The following PIK3CB variants were observed in gnomAD, a reference collection of about 807,000 sequenced individuals.
PIK3CB encodes the protein phosphatidylinositol-4,5-bisphosphate 3-kinase catalytic subunit beta.
In PIK3CB, 39 loss-of-function variants were observed where a neutral mutation model predicts 136.8. The ratio of observed to expected loss-of-function variants is 0.29; its 90% CI spans 0.22 to 0.37. PIK3CB has a LOEUF of 0.37. Among genes scored for constraint, PIK3CB ranks in the 10% least tolerant of loss-of-function variants. The pLI is 1.00. For synonymous variants in PIK3CB, 428 were observed against 436.6 expected, an observed-to-expected ratio of 0.98 and a Z score of 0.25; for missense variants, 868 against 1,275.4, an observed-to-expected ratio of 0.68 and a Z score of 4.87.
intron 8 of PIK3CB, among the ~76,000 whole-genome samples, chr3:138,717,245 C>A (rs893190880): frequency 1.4e-5 from 2 of 142,242 alleles, no homozygotes; most frequent in African/African-American, 2.6e-5. Context: ...CAGAGTGAGA[C>A]GCTGTCTCAA....
At position 138,827,292 on chromosome 3, in the gene PIK3CB, TG is replaced by T. The variant is rs1474850033; in HGVS notation, c.-122+7402del. 2.6e-5 allele frequency among the ~76,000 whole-genome samples: 4 copies of T among 152,312 alleles called. No homozygotes were observed. The East Asian group carries it at 7.7e-4, about 29-fold the overall frequency. ...ATTCACACTCGTTTTTGTCATTAAT[TG>T]CTTAATGTCTAAAGGCTTGGTCTTT... On this transcript the variant is annotated intron_variant, in intron 1 of 23. Coordinates refer to ENST00000674063, the MANE Select transcript of PIK3CB (RefSeq NM_006219.3).
At chr3:138,809,620 A>AG (rs901947696) in intron 1 of PIK3CB, among the ~76,000 whole-genome samples, 3 of 151,632 alleles carry the variant, frequency 2.0e-5, no homozygotes, top group Admixed American at 6.6e-5. Context: ...AAAAAAAAAA[A>AG]AAAAAGAAAA....
At chr3:138,737,677 T>C in intron 6 of PIK3CB, 30 bp downstream of exon 6, 2 of 1,173,142 alleles carry the variant, frequency 1.7e-6, no homozygotes, top group Non-Finnish European at 2.4e-6. Context: ...TCATAGACTT[T>C]TCTGGTAAAT....
At chr3:138,818,866 C>T (rs1239813834) in intron 1 of PIK3CB, among the ~76,000 whole-genome samples, 2 of 152,044 alleles carry the variant, frequency 1.3e-5, no homozygotes, top group Admixed American at 1.3e-4. Flanking sequence ...AGAGTCTTAA[C>T]TGTAATATAA....
At chr3:138,777,963 T>TC (rs2045879383) in intron 2 of PIK3CB, 1 of 379,972 alleles carries the variant, frequency 2.6e-6, no homozygotes, top group Non-Finnish European at 5.2e-6. Flanking sequence ...GTCTATATGT[T>TC]CCATGATGAT....
chr3:138,778,694 T>C (rs1280823296), intron 2 of PIK3CB: 1 of 210,864 alleles, frequency 4.7e-6, no homozygotes, highest in Non-Finnish European at 9.7e-6. Flanking sequence ...CTTTTCCACC[T>C]TCAATGTTGG....
chr3:138,662,548 T>A (rs1306127828), intron 21 of PIK3CB, among the ~76,000 whole-genome samples: 2 of 149,630 alleles, frequency 1.3e-5, no homozygotes, highest in Non-Finnish European at 3.0e-5. Context: ...TCTTTGCTAT[T>A]GTGAATAGTG....
At chr3:138,788,025 C>T (rs554535513) in intron 2 of PIK3CB, among the ~76,000 whole-genome samples, 3 of 151,208 alleles carry the variant, frequency 2.0e-5, no homozygotes, top group African/African-American at 7.3e-5. Flanking sequence ...CAGGTTCAAA[C>T]GATTCTCCTG....
At chr3:138,734,521 G>A (rs1450320037) in intron 7 of PIK3CB, 113 bp downstream of exon 7, 2 of 659,950 alleles carry the variant, frequency 3.0e-6, no homozygotes, top group African/African-American at 1.8e-5. Context: ...TGGCAAATAT[G>A]TATTGGTTTT....
chr3:138,732,511 T>C (rs1198021358), intron 8 of PIK3CB, among the ~76,000 whole-genome samples: 1 of 152,116 alleles, frequency 6.6e-6, no homozygotes, highest in Non-Finnish European at 1.5e-5. Flanking sequence ...TCACAAAAAT[T>C]ATTCACTTAA....
chr3:138,693,965 AT>A (rs67699923), intron 14 of PIK3CB, among the ~76,000 whole-genome samples: 3,969 of 26,890 alleles, frequency 0.15, 335 homozygotes, highest in East Asian at 0.43. Flanking sequence ...ATATATATAT[AT>A]TATATATATA....
chr3:138,743,563 T>A (rs1271088355), intron 4 of PIK3CB, among the ~76,000 whole-genome samples: 1 of 152,114 alleles, frequency 6.6e-6, no homozygotes, highest in Non-Finnish European at 1.5e-5. Context: ...CATTCATTCA[T>A]TCATTCATTC....
intron 5 of PIK3CB, among the ~76,000 whole-genome samples, chr3:138,738,620 C>T (rs1010702718): frequency 2.6e-5 from 4 of 152,112 alleles, no homozygotes; most frequent in Non-Finnish European, 4.4e-5. Flanking sequence ...TATAGAAATT[C>T]TAATCAATTA....
chr3:138,762,707 CAGCACTTTGGGA>C (rs2045678911), intron 2 of PIK3CB, among the ~76,000 whole-genome samples: 1 of 152,162 alleles, frequency 6.6e-6, no homozygotes, highest in Non-Finnish European at 1.5e-5. Context: ...CCTATAATCT[CAGCACTTTGGGA>C]AGCCGAAGCA....
intron 2 of PIK3CB, among the ~76,000 whole-genome samples, chr3:138,791,987 A>C (rs2046056217): frequency 6.6e-6 from 1 of 152,174 alleles, no homozygotes; most frequent in African/African-American, 2.4e-5. Context: ...TGTGTGTTCT[A>C]TATCGGTGGG....
chr3:138,832,846 A>C (rs1254646701), intron 1 of PIK3CB, among the ~76,000 whole-genome samples: 1 of 147,966 alleles, frequency 6.8e-6, no homozygotes, highest in South Asian at 2.1e-4. Context: ...AAAAAAAAAA[A>C]AAACAAAATT....
At chr3:138,703,915 T>G (rs149701033) in intron 12 of PIK3CB, among the ~76,000 whole-genome samples, 1 of 152,322 alleles carries the variant, frequency 6.6e-6, no homozygotes, top group African/African-American at 2.4e-5. Context: ...ATACTAATGA[T>G]ATCCTGAATA....
At chr3:138,704,371 C>T (rs2044319595) in intron 12 of PIK3CB, 72 bp downstream of exon 12, 1 of 1,026,710 alleles carries the variant, frequency 9.7e-7, no homozygotes, top group Admixed American at 1.7e-5. Flanking sequence ...GAGTTCATTA[C>T]TATGAGGCAA....
Position 138,750,233 on chromosome 3 carries a change from A to G in PIK3CB, c.397+5521T>C, listed in dbSNP as rs890485437. 7.3e-5 allele frequency among the ~76,000 whole-genome samples: 11 copies of G among 151,282 alleles called. No individual in the cohort carries two copies. The East Asian group carries it at 9.6e-4, about 13-fold the overall frequency. On this transcript the variant is annotated intron_variant, in intron 4 of 23. Coordinates refer to ENST00000674063, the MANE Select transcript of PIK3CB (RefSeq NM_006219.3). ...GTGGAATGATCAAATCTGGCTAATT[A>G]GCATATCTATCACCTCAAATATTTA...
Sources: gnomAD v4.1 joint callset for allele counts (sites outside exome capture counted in the v4.1 genomes callset) on GRCh38, gnomAD v4.1.1 for gene constraint, MANE v1.5 for transcripts, NCBI Gene and HGNC (gene_info 2026-07-23, HGNC 2026-07-21) for gene names.